The following SEC16A variants were observed in gnomAD, a reference collection of about 807,000 sequenced individuals.
SEC16A encodes protein transport protein Sec16A.
Under a neutral mutation model 221.9 loss-of-function variants are expected in SEC16A, and 110 were observed. That is an observed-to-expected ratio of 0.50 (90% CI 0.42 to 0.58). The LOEUF (loss-of-function observed/expected upper bound fraction) is 0.58, where lower values mean the gene tolerates loss of function less well. SEC16A is among the 20% of genes least tolerant of loss of function. SEC16A has a pLI of 0.00. For missense variants in SEC16A, 3,165 were observed against 3,097.8 expected, an observed-to-expected ratio of 1.02 and a Z score of -0.52; for synonymous variants, 1,393 against 1,257.7, an observed-to-expected ratio of 1.11 and a Z score of -2.28.
intron 31 of SEC16A, 120 bp from the exon 32 acceptor site, chr9:136,441,943 G>A: frequency 1.2e-6 from 1 of 834,260 alleles, no homozygotes; most frequent in South Asian, 1.5e-5. Flanking sequence ...GCGCTGACAA[G>A]CTGAAGGCTT....
rs1257457748 is a variant in SEC16A, at chr9:136,445,103, G to A, written c.6876C>T (p.Arg2292=). Residue 2292 remains arginine, a synonymous_variant, in exon 30 of 32, where the codon CGC becomes CGT. Transcript: ENST00000684901. ...PEGSQGGELS[R]CSSMSSLSRE... is the part of the protein sequence containing the mutation. ...GTGATAATGAACTCATTGAACTACA[G>A]CGCGAAAGCTACAAAACAGCAAGAA... 5 of 1,605,466 alleles carry A rather than the reference G, an allele frequency of 3.1e-6. No homozygotes were observed. Among genetic ancestry groups the A allele is most frequent in the Non-Finnish European group, 4.3e-6 (5 of 1,176,164 alleles).
chr9:136,458,783 G>A (rs1839075112), intron 17 of SEC16A, among the ~76,000 whole-genome samples: 1 of 152,040 alleles, frequency 6.6e-6, no homozygotes, highest in South Asian at 2.1e-4. Context: ...AAAAATTAGT[G>A]TGGCATGGTA....
rs751253581 is a variant in SEC16A at position 136,446,902 on chromosome 9, C to T, written c.6745G>A (p.Ala2249Thr). The change falls in exon 28 of 32, where the codon GCA (alanine) becomes ACA (threonine). Residue 2249 changes from alanine to threonine, a missense_variant. Physicochemically the swap from Ala to Thr is moderately conservative, Grantham distance 58 (BLOSUM62 0). Around this residue, in one of 3 missense-constraint regions of SEC16A, gnomAD observed 1,088 missense variants for 1,089.6 expected, o/e 1.00. Coordinates refer to ENST00000684901, the MANE Select transcript of SEC16A (RefSeq NM_014866.2). Reference sequence around the variant, plus strand: ...GGATTGGCCAGGCCCCTAGCTGCTGCAGGCCCTTCCCTGCCAGTCCCGTCT... The same window carrying T: ...GGATTGGCCAGGCCCCTAGCTGCTGTAGGCCCTTCCCTGCCAGTCCCGTCT... ...LPDGTGREGP[A>T]AARGLANPEP... 2 of 1,613,312 alleles carry T rather than the reference C, an allele frequency of 1.2e-6. No homozygotes were observed. The highest frequency in any genetic ancestry group is 1.6e-4 in the Middle Eastern group (1 of 6,082).
intron 17 of SEC16A, among the ~76,000 whole-genome samples, chr9:136,457,908 C>CT (rs1838915026): frequency 6.6e-6 from 1 of 152,240 alleles, no homozygotes; most frequent in African/African-American, 2.4e-5. Flanking sequence ...ACTGAGACCA[C>CT]TGCCTTCCGT....
chr9:136,442,370 T>C (rs943719199), intron 31 of SEC16A, among the ~76,000 whole-genome samples: 2 of 152,228 alleles, frequency 1.3e-5, no homozygotes, highest in Non-Finnish European at 2.9e-5. Context: ...TTGGGGGCAG[T>C]GGTCCTGGGA....
At position 136,474,323 on chromosome 9, in the gene SEC16A, T is replaced by G; in HGVS notation, c.3293A>C (p.Gln1098Pro). Residue 1098 changes from glutamine to proline, a missense_variant, in exon 3 of 32, where the codon CAG (glutamine) becomes CCG (proline). This residue lies in a region of SEC16A where 2,030 missense variants were observed against 1,923.1 expected (regional missense o/e 1.06). Transcript: ENST00000684901. ...PAQGQAQNSA[Q>P]SPASLVLVDA... is the part of the protein sequence containing the mutation. ...GACCAGAACCAGACTTGCTGGTGAC[T>G]GTGCTGAGTTCTGGGCCTGTCCCTG... 6.2e-7 allele frequency: 1 copy of G among 1,612,062 alleles called. No homozygotes were observed. The highest frequency in any genetic ancestry group is 1.7e-5 in the Admixed American group (1 of 59,780).
intron 5 of SEC16A, 148 bp downstream of exon 5, chr9:136,468,267 G>T: frequency 4.1e-6 from 2 of 482,038 alleles, no homozygotes; most frequent in South Asian, 7.7e-5. Flanking sequence ...AACTATTTTG[G>T]CTTTTGGGCA....
At chr9:136,448,465 A>G in intron 23 of SEC16A, 1 of 705,808 alleles carries the variant, frequency 1.4e-6, no homozygotes, top group Non-Finnish European at 2.6e-6. Context: ...GAGCAGATCC[A>G]CAGAGACACC....
chr9:136,451,371 G>A lies in SEC16A; in HGVS notation c.6197C>T (p.Pro2066Leu), dbSNP rs779120151. 10 of 1,611,610 alleles carry A rather than the reference G, an allele frequency of 6.2e-6. No individual in the cohort carries two copies. In the East Asian group the frequency reaches 2.0e-4, roughly 32 times the overall value. Residue 2066 changes from proline (P) to leucine (L), a missense_variant, in exon 23 of 32, where the codon CCA (proline) becomes CTA (leucine). This residue lies in a region of SEC16A where 1,088 missense variants were observed against 1,089.6 expected (regional missense o/e 1.00). Transcript: ENST00000684901. ...SRTVPDSEAP[P>L]GWDRADSGPT... ...ACCCGAGTCGGCACGATCCCACCCT[G>A]GGGGGGCCTCCGAGTCTGGCACCGT...
intron 30 of SEC16A, among the ~76,000 whole-genome samples, chr9:136,444,337 C>T (rs73670269): frequency 0.01 from 1,561 of 152,310 alleles, 22 homozygotes; most frequent in African/African-American, 0.035. Context: ...TCGTTCACCT[C>T]CCTCCCACAT....
At chr9:136,483,706 G>C (rs1564559605), upstream of SEC16A, 1 of 985,432 alleles carries the variant, frequency 1.0e-6, no homozygotes, top group Non-Finnish European at 1.2e-6. Context: ...CACCGAGAAC[G>C]GCTACTCCGC....
chr9:136,479,069 G>A (rs1842004356), intron 1 of SEC16A, among the ~76,000 whole-genome samples: 1 of 151,872 alleles, frequency 6.6e-6, no homozygotes, highest in African/African-American at 2.4e-5. Context: ...ACAAGGCACA[G>A]ACTGGATTCC....
At position 136,475,066 on chromosome 9, in the gene SEC16A, C is replaced by T. The variant is rs750113232; in HGVS notation, c.2550G>A (p.Ser850=). The T allele has an allele frequency of 3.2e-5, 52 of 1,613,386 alleles. No homozygotes were observed. Among genetic ancestry groups the T allele is most frequent in the Non-Finnish European group, 4.1e-5 (48 of 1,179,820 alleles). ...AQPINFSVSL[S]NSHEKNQSWR... The stretch of plus-strand genomic sequence containing the variant: ...AGGACTGATTCTTCTCATGAGAGTT[C>T]GATAAGGACACAGAAAAGTTAATGG... Residue 850 remains serine, a synonymous_variant, in exon 3 of 32, where the codon TCG becomes TCA. Coordinates refer to ENST00000684901, the MANE Select transcript of SEC16A (RefSeq NM_014866.2). This position sits in a 1 kb window ranked among gnomAD's most constrained non-coding sequence, Gnocchi z 5.0.
At chr9:136,478,264 A>G (rs568272028) in intron 2 of SEC16A, among the ~76,000 whole-genome samples, 1 of 152,250 alleles carries the variant, frequency 6.6e-6, no homozygotes, top group South Asian at 2.1e-4. Flanking sequence ...TCAGCCAGGC[A>G]TGGTGGTGCA....
chr9:136,484,470 A>G, upstream of SEC16A: 1 of 1,211,700 alleles, frequency 8.3e-7, no homozygotes, highest in Non-Finnish European at 1.1e-6. Flanking sequence ...ACTCACCTGC[A>G]CACCTGCCTG....
chr9:136,480,434 A>T (rs761122334), intron 1 of SEC16A, among the ~76,000 whole-genome samples: 4 of 152,136 alleles, frequency 2.6e-5, no homozygotes, highest in Non-Finnish European at 5.9e-5. Context: ...AGCAAAACTG[A>T]GTGTCCAGGT....
Position 136,466,989 on chromosome 9 carries a change from T to A in SEC16A, c.3897A>T (p.Ala1299=), listed in dbSNP as rs773847471. The A allele has an allele frequency of 6.2e-7, 1 of 1,613,806 alleles. No homozygotes were observed. The highest frequency in any genetic ancestry group is 8.5e-7 in the Non-Finnish European group (1 of 1,179,858). The change falls in exon 6 of 32, where the codon GCA becomes GCT. Residue 1299 remains alanine, a synonymous_variant. Transcript: ENST00000684901. This position sits in a 1 kb window ranked among gnomAD's most constrained non-coding sequence, Gnocchi z 5.5. ...RRYWCDAEYD[A]YRREHSAFGD... Reference sequence around the variant, plus strand: ...CGAAGGCAGAGTGCTCTCTCCTGTATGCGTCATACTCTGCATCACACCAAT... The same window carrying A: ...CGAAGGCAGAGTGCTCTCTCCTGTAAGCGTCATACTCTGCATCACACCAAT...
rs887179183 is a variant in SEC16A, at chr9:136,477,636, C to A, written c.-21G>T. 25 of 1,578,772 alleles carry A rather than the reference C, an allele frequency of 1.6e-5. No homozygotes were observed. Among genetic ancestry groups the A allele is most frequent in the Non-Finnish European group, 2.0e-5 (23 of 1,162,776 alleles). ...TGCATGACTGAACCCTTGCACAAGTCGATGCTGCTTACAGAAGGAAGCAGG... is the reference window on the plus strand; with the variant it reads ...TGCATGACTGAACCCTTGCACAAGTAGATGCTGCTTACAGAAGGAAGCAGG... On this transcript the variant is annotated 5_prime_UTR_variant, in exon 3 of 32. Transcript: ENST00000684901.
intron 1 of SEC16A, among the ~76,000 whole-genome samples, chr9:136,481,844 G>A (rs1041300528): frequency 2.6e-5 from 4 of 152,136 alleles, no homozygotes; most frequent in Admixed American, 2.0e-4. Flanking sequence ...ATGTTGAAGA[G>A]GAAGCCAGCG....
Sources: gnomAD v4.1 joint callset for allele counts (sites outside exome capture counted in the v4.1 genomes callset) on GRCh38, gnomAD v4.1.1 for gene constraint, gnomAD v4.1.1 regional missense constraint, Gnocchi (gnomAD v3.1) non-coding constraint, MANE v1.5 for transcripts, NCBI Gene and HGNC (gene_info 2026-07-23, HGNC 2026-07-21) for gene names.